Variants in WDR70 observed in about 807,000 individuals in gnomAD.
The protein encoded by WDR70 is WD repeat-containing protein 70.
A neutral mutation model predicts 88.6 loss-of-function variants in WDR70; 53 were observed. That is an observed-to-expected ratio of 0.60 (90% CI 0.48 to 0.75). The LOEUF (loss-of-function observed/expected upper bound fraction) is 0.75, where lower values mean the gene tolerates loss of function less well. Among genes scored for constraint, WDR70 ranks in the 30% least tolerant of loss-of-function variants. The probability of loss-of-function intolerance (pLI) is 0.00; values close to 1 mark genes in which losing one functional copy is unlikely to be tolerated. For synonymous variants in WDR70, 280 were observed against 270.0 expected, an observed-to-expected ratio of 1.04 and a Z score of -0.36; for missense variants, 610 against 823.2, an observed-to-expected ratio of 0.74 and a Z score of 3.17.
intron 8 of WDR70, among the ~76,000 whole-genome samples, chr5:37,496,859 A>C (rs1014124420): frequency 1.3e-5 from 2 of 152,182 alleles, no homozygotes; most frequent in Non-Finnish European, 2.9e-5. Context: ...TAAGCAGGCT[A>C]TGCATTGGAT....
intron 5 of WDR70, among the ~76,000 whole-genome samples, chr5:37,402,936 C>T (rs1050447699): frequency 1.5e-5 from 2 of 134,812 alleles, no homozygotes; most frequent in African/African-American, 5.7e-5. Flanking sequence ...CCTTCCCTCC[C>T]TCCCTCCGTT....
At chr5:37,443,976 C>CT (rs1265384907) in intron 7 of WDR70, among the ~76,000 whole-genome samples, 4 of 151,844 alleles carry the variant, frequency 2.6e-5, no homozygotes, top group Admixed American at 2.6e-4. Context: ...TGGTGAAACT[C>CT]TATCTCTACT....
At chr5:37,606,511 A>G (rs891675119) in intron 10 of WDR70, among the ~76,000 whole-genome samples, 2 of 152,168 alleles carry the variant, frequency 1.3e-5, no homozygotes, top group African/African-American at 2.4e-5. Flanking sequence ...GTGTATATGT[A>G]TGTGACTTTC....
At chr5:37,500,287 G>T (rs1187282679) in intron 8 of WDR70, among the ~76,000 whole-genome samples, 3 of 152,012 alleles carry the variant, frequency 2.0e-5, no homozygotes, top group Admixed American at 2.0e-4. Context: ...TTTATGGCTG[G>T]GTATTTTTTC....
chr5:37,428,218 AT>A lies in WDR70; in HGVS notation c.493-9703del, dbSNP rs375861320. Among the ~76,000 whole-genome samples, 40 of 152,322 alleles carry A rather than the reference AT, an allele frequency of 2.6e-4. No homozygotes were observed. In the East Asian group the frequency reaches 6.0e-3, roughly 23 times the overall value. ...TTGTTTTTGTTTTTTCATTAAAAAA[AT>A]AACCAGTTTTGCTTTTCTGCAGATA... On this transcript the variant is annotated intron_variant, in intron 5 of 17. Transcript: ENST00000265107.
intron 10 of WDR70, among the ~76,000 whole-genome samples, chr5:37,653,240 T>A (rs6885329): frequency 0.57 from 87,222 of 151,972 alleles, 25,217 homozygotes; most frequent in African/African-American, 0.61. Flanking sequence ...GATGGATTAT[T>A]TTTATTGATT....
chr5:37,473,355 T>C (rs1249212465), intron 7 of WDR70, among the ~76,000 whole-genome samples: 1 of 151,242 alleles, frequency 6.6e-6, no homozygotes, highest in African/African-American at 2.4e-5. Flanking sequence ...TTTTTTTTTT[T>C]TTTTTGAGAC....
At chr5:37,529,350 C>G (rs1257279703) in intron 9 of WDR70, among the ~76,000 whole-genome samples, 3 of 151,936 alleles carry the variant, frequency 2.0e-5, no homozygotes, top group Non-Finnish European at 2.9e-5. Context: ...TTTTCTAGTT[C>G]TGTGCAGAAT....
chr5:37,687,770 A>G, intron 10 of WDR70: 1 of 417,962 alleles, frequency 2.4e-6, no homozygotes, highest in Non-Finnish European at 4.3e-6. Flanking sequence ...TCAGAAACAG[A>G]TTACTTTTTC....
At chr5:37,585,320 A>G (rs1743335633) in intron 9 of WDR70, among the ~76,000 whole-genome samples, 1 of 152,086 alleles carries the variant, frequency 6.6e-6, no homozygotes, top group Non-Finnish European at 1.5e-5. Context: ...CCAAATCCAC[A>G]TACAATTTTT....
intron 10 of WDR70, among the ~76,000 whole-genome samples, chr5:37,650,677 G>T (rs1226922780): frequency 6.6e-6 from 1 of 152,148 alleles, no homozygotes; most frequent in African/African-American, 2.4e-5. Flanking sequence ...AATAGAATGA[G>T]ATTTTAATTT....
At chr5:37,519,223 C>T (rs1740993891) in intron 9 of WDR70, among the ~76,000 whole-genome samples, 1 of 152,240 alleles carries the variant, frequency 6.6e-6, no homozygotes, top group Non-Finnish European at 1.5e-5. Context: ...TTGGGTACAC[C>T]TCCCAGATGG....
chr5:37,654,632 T>C (rs369294285), intron 10 of WDR70, among the ~76,000 whole-genome samples: 12 of 152,358 alleles, frequency 7.9e-5, no homozygotes, highest in African/African-American at 1.9e-4. Context: ...TGCTCCTGTA[T>C]TGGGCACATA....
intron 10 of WDR70, among the ~76,000 whole-genome samples, chr5:37,636,332 A>G (rs888848071): frequency 1.7e-4 from 26 of 152,226 alleles, no homozygotes; most frequent in Admixed American, 1.4e-3. Context: ...TATAATTCCA[A>G]TTAATAAATG....
chr5:37,502,595 A>T (rs1219504259), intron 8 of WDR70, among the ~76,000 whole-genome samples: 1 of 152,114 alleles, frequency 6.6e-6, no homozygotes, highest in Non-Finnish European at 1.5e-5. Flanking sequence ...ATTTGCATTT[A>T]TTGACTTGCA....
intron 5 of WDR70, among the ~76,000 whole-genome samples, chr5:37,405,290 T>C (rs1487550785): frequency 6.6e-6 from 1 of 152,090 alleles, no homozygotes; most frequent in Non-Finnish European, 1.5e-5. Flanking sequence ...TGGAACAAAG[T>C]ACTCCCATTG....
At chr5:37,605,447 A>T (rs1057486415) in intron 10 of WDR70, among the ~76,000 whole-genome samples, 1 of 152,166 alleles carries the variant, frequency 6.6e-6, no homozygotes, top group East Asian at 1.9e-4. Context: ...TTTTCAGTAC[A>T]TATTATATTT....
chr5:37,535,839 A>G (rs181098698), intron 9 of WDR70, among the ~76,000 whole-genome samples: 122 of 152,336 alleles, frequency 8.0e-4, no homozygotes, highest in African/African-American at 2.3e-3. Flanking sequence ...TTTCCCAAGG[A>G]CACATAATTC....
At chr5:37,517,903 A>G (rs1740941860) in intron 9 of WDR70, among the ~76,000 whole-genome samples, 1 of 145,248 alleles carries the variant, frequency 6.9e-6, no homozygotes, top group Admixed American at 6.9e-5. Context: ...TATATTATTT[A>G]TTTTATTTAT....
Sources: gnomAD v4.1 joint callset for allele counts (sites outside exome capture counted in the v4.1 genomes callset) on GRCh38, gnomAD v4.1.1 for gene constraint, MANE v1.5 for transcripts, NCBI Gene and HGNC (gene_info 2026-07-23, HGNC 2026-07-21) for gene names.